The following GALNT5 variants were observed in gnomAD, a reference collection of about 807,000 sequenced individuals.
GALNT5 encodes polypeptide N-acetylgalactosaminyltransferase 5, also known as UDP-GalNAc:polypeptide N-acetylgalactosaminyltransferase 5.
Under a neutral mutation model 85.4 loss-of-function variants are expected in GALNT5, and 72 were observed. The observed-to-expected ratio is 0.84, with a 90% CI of 0.70 to 1.03. The LOEUF is 1.03. Among genes scored for constraint, GALNT5 ranks in the 50% least tolerant of loss-of-function variants. The pLI is 0.00. For missense variants in GALNT5, 1,137 were observed against 1,135.5 expected, an observed-to-expected ratio of 1.00 and a Z score of -0.02; for synonymous variants, 404 against 397.0, an observed-to-expected ratio of 1.02 and a Z score of -0.21.
intron 6 of GALNT5, 42 bp downstream of exon 6, chr2:157,299,707 T>A: frequency 2.0e-6 from 2 of 1,021,696 alleles, no homozygotes; most frequent in African/African-American, 3.2e-5. Flanking sequence ...CGATAATGAG[T>A]TAATCAATTT....
intron 1 of GALNT5, among the ~76,000 whole-genome samples, chr2:157,271,068 A>G (rs1372498328): frequency 1.3e-5 from 2 of 151,858 alleles, no homozygotes; most frequent in Non-Finnish European, 2.9e-5. Flanking sequence ...GTGAGCAGTG[A>G]TCACGCCACT....
intron 4 of GALNT5, 56 bp from the exon 5 acceptor site, chr2:157,296,324 CCAAATCGATAAAGT>C: frequency 8.0e-7 from 1 of 1,245,348 alleles, no homozygotes; most frequent in Non-Finnish European, 1.2e-6. Context: ...CATCGTGAAG[CCAAATCGATAAAGT>C]ATATAAAGAT....
In GALNT5 at chr2:157,286,893, A is replaced by AGTGTGTGTGT. The variant is rs3072178; in HGVS notation, c.1741+794_1741+803dup. 3.7e-3 allele frequency among the ~76,000 whole-genome samples: 497 copies of AGTGTGTGTGT among 135,880 alleles called. 3 individuals are homozygous for AGTGTGTGTGT. Among genetic ancestry groups the AGTGTGTGTGT allele is most frequent in the African/African-American group, 0.011 (385 of 35,928 alleles). The allele number at this position is 135,880 out of a possible 152,430, so 89.1% of individuals were successfully genotyped here. A position where few individuals can be genotyped will look rare whatever the true frequency, so the allele number is the denominator to read the frequency against. ...TCCTCACACACTTTGTTTAAATACCAGTGTGTGTGTGTGTGTGTGTGTGTG... is the reference window on the plus strand; with the variant it reads ...TCCTCACACACTTTGTTTAAATACCAGTGTGTGTGTGTGTGTGTGTGTGTGTGTGTGTGTG... On this transcript the variant is annotated intron_variant, in intron 3 of 9. Transcript: ENST00000259056.
intron 9 of GALNT5, 85 bp downstream of exon 9, chr2:157,308,813 C>T (rs182262418): frequency 2.2e-5 from 23 of 1,060,178 alleles, no homozygotes; most frequent in Middle Eastern, 2.3e-4. Context: ...TCACCTTCCT[C>T]AGTCAGAAGT....
rs115318930 is a variant in GALNT5, at chr2:157,295,588, A to T, written c.1742-75A>T. 7.4e-4 allele frequency: 887 copies of T among 1,195,454 alleles called. 1 individual carries two copies. Among genetic ancestry groups the T allele is most frequent in the Non-Finnish European group, 1.0e-3 (857 of 839,186 alleles). 74.1% of individuals were successfully genotyped at this position (1,195,454 alleles called of 1,614,324 possible). A position where few individuals can be genotyped will look rare whatever the true frequency, so the allele number is the denominator to read the frequency against. ...AGCCACATTTCTGGAGCAATCATCA[A>T]TACCTTTGAACATGAAGTACACACA... On this transcript the variant is annotated intron_variant, in intron 3 of 9. Coordinates refer to ENST00000259056, the MANE Select transcript of GALNT5 (RefSeq NM_014568.3).
At position 157,315,463 on chromosome 2, in the gene GALNT5, T is replaced by C. The variant is rs1683679521; in HGVS notation, c.*4115T>C. Among the ~76,000 whole-genome samples, 1 of 152,200 alleles carries C rather than the reference T, an allele frequency of 6.6e-6. No homozygotes were observed. The highest frequency in any genetic ancestry group is 2.1e-4 in the South Asian group (1 of 4,836). ...ACAAAGGGCTGTCATCTCAGGTGGGTGCATTTAAAAGTTTCTTGGTCTCAG... is the reference window on the plus strand; with the variant it reads ...ACAAAGGGCTGTCATCTCAGGTGGGCGCATTTAAAAGTTTCTTGGTCTCAG... On this transcript the variant is annotated 3_prime_UTR_variant, in exon 10 of 10. Coordinates refer to ENST00000259056, the MANE Select transcript of GALNT5 (RefSeq NM_014568.3).
chr2:157,299,086 C>G (rs1450642416), intron 5 of GALNT5: 1 of 157,178 alleles, frequency 6.4e-6, no homozygotes, highest in Non-Finnish European at 1.5e-5. Flanking sequence ...GCCGCCTAGC[C>G]AGCTAGATCA....
rs559962630 is a variant in GALNT5 at position 157,284,445 on chromosome 2, A to G, written c.1618A>G (p.Lys540Glu). 3 of 1,613,378 alleles carry G rather than the reference A, an allele frequency of 1.9e-6. No homozygotes were observed. Among genetic ancestry groups the G allele is most frequent in the Non-Finnish European group, 2.5e-6 (3 of 1,179,566 alleles). The change falls in exon 2 of 10, where the codon AAA becomes GAA. Residue 540 changes from lysine to glutamate, a missense_variant. By Grantham distance (56) the Lys-to-Glu change is moderately conservative. Transcript: ENST00000259056. The part of the protein sequence containing the change: ...EILLVDDFST[K>E]DYLKDNLDKY... ...TCTGCTGGTAGATGACTTCAGCACC[A>G]AAGGTAAGAAAACCACTCAGGCTAT...
At chr2:157,280,849 A>C (rs560478508) in intron 1 of GALNT5, among the ~76,000 whole-genome samples, 1 of 152,098 alleles carries the variant, frequency 6.6e-6, no homozygotes, top group East Asian at 1.9e-4. Context: ...GGTTGGTTAA[A>C]AGTGTCAGAG....
intron 3 of GALNT5, among the ~76,000 whole-genome samples, chr2:157,292,380 A>G (rs1358737006): frequency 6.6e-6 from 1 of 152,228 alleles, no homozygotes; most frequent in Admixed American, 6.5e-5. Context: ...TTTAAAACAA[A>G]GTGTCTGAAA....
At chr2:157,279,831 T>C (rs7565054) in intron 1 of GALNT5, among the ~76,000 whole-genome samples, 27,186 of 152,174 alleles carry the variant, frequency 0.18, 5,542 homozygotes, top group African/African-American at 0.5. Context: ...GCACCCACTG[T>C]CCAACCACTC....
intron 1 of GALNT5, among the ~76,000 whole-genome samples, chr2:157,275,492 C>T (rs1049525299): frequency 2.7e-5 from 4 of 150,830 alleles, no homozygotes; most frequent in African/African-American, 9.7e-5. Flanking sequence ...TGTTTGTGTC[C>T]TATTTCATTG....
At chr2:157,279,953 C>G (rs1045974143) in intron 1 of GALNT5, among the ~76,000 whole-genome samples, 10 of 152,126 alleles carry the variant, frequency 6.6e-5, no homozygotes, top group Non-Finnish European at 1.2e-4. Context: ...CATCTTGGAA[C>G]AGACCTCAAT....
chr2:157,269,416 T>C (rs1347549188), intron 1 of GALNT5, among the ~76,000 whole-genome samples: 1 of 152,182 alleles, frequency 6.6e-6, no homozygotes, highest in Non-Finnish European at 1.5e-5. Flanking sequence ...TCCTGTAATA[T>C]TGCTTTTACC....
chr2:157,277,125 T>G (rs1181189555), intron 1 of GALNT5, among the ~76,000 whole-genome samples: 1 of 152,210 alleles, frequency 6.6e-6, no homozygotes, highest in East Asian at 1.9e-4. Flanking sequence ...CATGTAGTTG[T>G]GCAGTTTTGA....
chr2:157,276,600 G>A (rs1682732392), intron 1 of GALNT5, among the ~76,000 whole-genome samples: 1 of 152,268 alleles, frequency 6.6e-6, no homozygotes, highest in South Asian at 2.1e-4. Context: ...AGATTTTCTA[G>A]TTTATTTGCA....
At chr2:157,290,158 T>C (rs921998073) in intron 3 of GALNT5, among the ~76,000 whole-genome samples, 19 of 150,574 alleles carry the variant, frequency 1.3e-4, no homozygotes, top group African/African-American at 4.7e-4. Context: ...TGTATCTACA[T>C]GTATATAAAA....
intron 1 of GALNT5, among the ~76,000 whole-genome samples, chr2:157,277,579 CTTCT>C (rs915363960): frequency 2.4e-4 from 36 of 152,286 alleles, no homozygotes; most frequent in African/African-American, 7.7e-4. Context: ...ATGTAATGGC[CTTCT>C]TTGTCTCTTT....
In GALNT5 at chr2:157,293,605, C is replaced by A. The variant is rs141627531; in HGVS notation, c.1742-2058C>A. ...TGGTCAGGAGATGAAACTGCTATCT[C>A]CAAGAACAGAAGACTACATGGAGCG... On this transcript the variant is annotated intron_variant, in intron 3 of 9. Transcript: ENST00000259056. 5.3e-3 allele frequency among the ~76,000 whole-genome samples: 813 copies of A among 152,300 alleles called. 2 individuals are homozygous for A. Among genetic ancestry groups the A allele is most frequent in the Non-Finnish European group, 8.5e-3 (581 of 68,028 alleles).
Sources: allele counts gnomAD v4.1 joint callset (sites outside exome capture counted in the v4.1 genomes callset), GRCh38; gene constraint gnomAD v4.1.1; transcripts MANE v1.5; gene names NCBI Gene and HGNC (gene_info 2026-07-23, HGNC 2026-07-21).